Variants in TRIO observed in about 807,000 individuals in gnomAD.
The protein encoded by TRIO is trio Rho guanine nucleotide exchange factor.
In TRIO, 58 loss-of-function variants were observed where a neutral mutation model predicts 351.9. The ratio of observed to expected loss-of-function variants is 0.16; its 90% CI spans 0.13 to 0.21. The LOEUF is 0.21. Ranked by LOEUF, TRIO falls within the 10% of genes least tolerant of loss-of-function variation. The pLI, the probability that TRIO is intolerant of heterozygous loss-of-function variation, is 1.00. For synonymous variants in TRIO, 1,758 were observed against 1,595.7 expected (o/e 1.10, Z -2.42); for missense variants, 3,201 against 4,027.8 (o/e 0.79, Z 5.56).
At position 14,487,891 on chromosome 5, in the gene TRIO, C is replaced by A. The variant is rs747421070; in HGVS notation, c.7263C>A (p.Gly2421=). The A allele has an allele frequency of 6.5e-7, 1 of 1,538,746 alleles. No homozygotes were observed. ...KMKVLESPRK[G]AANASGSSPD... ...AGGTGCTGGAGAGCCCCAGGAAAGGCGCCGCGAACGCCTCGGGGTCGAGCC... is the reference window on the plus strand; with the variant it reads ...AGGTGCTGGAGAGCCCCAGGAAAGGAGCCGCGAACGCCTCGGGGTCGAGCC... The change falls in exon 48 of 57, where the codon GGC becomes GGA. Residue 2421 remains glycine (G), a synonymous_variant. Transcript: ENST00000344204.
chr5:14,462,160 G>C (rs748366781), intron 35 of TRIO, among the ~76,000 whole-genome samples: 4 of 152,186 alleles, frequency 2.6e-5, no homozygotes, highest in Non-Finnish European at 4.4e-5. Context: ...GCTGTTTTCT[G>C]CTGTTTTTTT....
chr5:14,478,612 G>C lies in TRIO; in HGVS notation c.6154-649G>C, dbSNP rs185008968. Among the ~76,000 whole-genome samples, 185 of 152,158 alleles carry C rather than the reference G, an allele frequency of 1.2e-3. 2 individuals carry two copies. The highest frequency in any genetic ancestry group is 4.2e-3 in the African/African-American group (173 of 41,516). ...AAAACCAACCAGGCTTACTAGGACT[G>C]TTGGCAGGGTTTGGAGTGATGGCAG... On this transcript the variant is annotated intron_variant, in intron 41 of 56. Coordinates refer to ENST00000344204, the MANE Select transcript of TRIO (RefSeq NM_007118.4).
At chr5:14,213,170 C>A (rs1792014923) in intron 1 of TRIO, among the ~76,000 whole-genome samples, 1 of 152,100 alleles carries the variant, frequency 6.6e-6, no homozygotes, top group Non-Finnish European at 1.5e-5. Context: ...AGAAGGATTT[C>A]TTTGGTTGGA....
chr5:14,315,144 A>G (rs554253584), intron 8 of TRIO, among the ~76,000 whole-genome samples: 3 of 152,140 alleles, frequency 2.0e-5, no homozygotes, highest in African/African-American at 7.2e-5. Flanking sequence ...AAAGGCTCTC[A>G]GTGTTAGCTT....
At position 14,509,289 on chromosome 5, in the gene TRIO, A is replaced by T. The variant is rs1757933237; in HGVS notation, c.*867A>T. 1 of 380,898 alleles carries T rather than the reference A, an allele frequency of 2.6e-6. No homozygotes were observed. Among genetic ancestry groups the T allele is most frequent in the South Asian group, 1.9e-5 (1 of 51,804 alleles). The allele number at this position is 380,898 out of a possible 1,614,324, so 23.6% of individuals were successfully genotyped here. A position where few individuals can be genotyped will look rare whatever the true frequency, so the allele number is the denominator to read the frequency against. ...TCATGTGCAATGTTGTGGCTTTAAC[A>T]TTTTATGCAACTATTTATGAAGACC... On this transcript the variant is annotated 3_prime_UTR_variant, in exon 57 of 57. Coordinates refer to ENST00000344204, the MANE Select transcript of TRIO (RefSeq NM_007118.4).
intron 27 of TRIO, among the ~76,000 whole-genome samples, chr5:14,393,827 A>AAAGT (rs2152367398): frequency 6.6e-6 from 1 of 152,384 alleles, no homozygotes; most frequent in African/African-American, 2.4e-5. Context: ...CTCCTGCTCC[A>AAAGT]AAGTACCCCT....
chr5:14,213,869 G>A (rs1392233574), intron 1 of TRIO, among the ~76,000 whole-genome samples: 1 of 152,194 alleles, frequency 6.6e-6, no homozygotes, highest in Non-Finnish European at 1.5e-5. Context: ...CATGGTACTG[G>A]CCCAGGGCAG....
chr5:14,295,257 A>T (rs1171286982), intron 6 of TRIO, among the ~76,000 whole-genome samples: 1 of 152,224 alleles, frequency 6.6e-6, no homozygotes, highest in Non-Finnish European at 1.5e-5. Flanking sequence ...GGATACCAAC[A>T]ATTATGCATG....
At position 14,488,052 on chromosome 5, in the gene TRIO, C is replaced by G. The variant is rs768715447; in HGVS notation, c.7424C>G (p.Pro2475Arg). 4.1e-5 allele frequency: 66 copies of G among 1,609,170 alleles called. No homozygotes were observed. The highest frequency in any genetic ancestry group is 5.1e-5 in the Non-Finnish European group (60 of 1,178,774). ...VPSLGKEPFP[P>R]SSPLQKGGSF... Reference sequence around the variant, plus strand: ...TCTCTCGGCAAGGAGCCCTTCCCCCCCAGCAGCCCCCTGCAGAAGGGGGGC... The same window carrying G: ...TCTCTCGGCAAGGAGCCCTTCCCCCGCAGCAGCCCCCTGCAGAAGGGGGGC... Residue 2475 changes from proline to arginine, a missense_variant, in exon 48 of 57, where the codon CCC becomes CGC. Physicochemically the swap from Pro to Arg is moderately radical, Grantham distance 103. This residue lies in a region of TRIO where 1,089 missense variants were observed against 954.9 expected (regional missense o/e 1.14). Transcript: ENST00000344204.
chr5:14,472,946 CTAAG>C (rs1184095014), intron 39 of TRIO, among the ~76,000 whole-genome samples: 11 of 149,030 alleles, frequency 7.4e-5, no homozygotes, highest in African/African-American at 2.9e-4. Context: ...TTAAATGATA[CTAAG>C]TAAGTATACT....
At chr5:14,397,834 T>G (rs1747740766) in intron 29 of TRIO, among the ~76,000 whole-genome samples, 1 of 152,104 alleles carries the variant, frequency 6.6e-6, no homozygotes, top group African/African-American at 2.4e-5. Flanking sequence ...GATTTTTCTT[T>G]CTCTGATATA....
intron 34 of TRIO, among the ~76,000 whole-genome samples, chr5:14,428,104 A>G (rs751310606): frequency 6.6e-6 from 1 of 152,208 alleles, no homozygotes; most frequent in Non-Finnish European, 1.5e-5. Flanking sequence ...GATCTGCCGC[A>G]AAGGTGAATC....
chr5:14,357,290 C>T (rs13157886), intron 11 of TRIO, among the ~76,000 whole-genome samples: 2,576 of 152,318 alleles, frequency 0.017, 32 homozygotes, highest in South Asian at 0.038. Flanking sequence ...ACAGAAGATG[C>T]GTGAGCTGAC....
intron 1 of TRIO, among the ~76,000 whole-genome samples, chr5:14,236,694 G>A (rs1040427357): frequency 6.6e-6 from 1 of 152,160 alleles, no homozygotes; most frequent in Non-Finnish European, 1.5e-5. Context: ...CCTGTTTTGT[G>A]TAGCAGCTTT....
At position 14,481,523 on chromosome 5, in the gene TRIO, C is replaced by T. The variant is rs1755514709; in HGVS notation, c.6388-18C>T. On this transcript the variant is annotated intron_variant, in intron 44 of 56. Coordinates refer to ENST00000344204, the MANE Select transcript of TRIO (RefSeq NM_007118.4). ...TAGAGGAACTTGAGCTTTCACTCTT[C>T]TCTCTCCCCTCCCACAGAGAGCTGT... 10 of 1,613,782 alleles carry T rather than the reference C, an allele frequency of 6.2e-6. No homozygotes were observed. Among genetic ancestry groups the T allele is most frequent in the Non-Finnish European group, 8.5e-6 (10 of 1,179,798 alleles).
intron 1 of TRIO, among the ~76,000 whole-genome samples, chr5:14,206,610 A>G (rs911717720): frequency 8.5e-5 from 13 of 152,176 alleles, no homozygotes; most frequent in African/African-American, 2.9e-4. Context: ...CTAACCTGAC[A>G]GTTGCTGCCT....
intron 1 of TRIO, among the ~76,000 whole-genome samples, chr5:14,255,782 C>T (rs1794991103): frequency 6.6e-6 from 1 of 152,136 alleles, no homozygotes; most frequent in African/African-American, 2.4e-5. Context: ...AGACCTGTCA[C>T]ATTAGGTCAG....
chr5:14,341,199 G>A (rs1194126892), intron 11 of TRIO, among the ~76,000 whole-genome samples: 1 of 152,160 alleles, frequency 6.6e-6, no homozygotes, highest in Non-Finnish European at 1.5e-5. Flanking sequence ...CAGTTCTGTT[G>A]ATAATGCTCC....
chr5:14,353,015 C>T (rs887124573), intron 11 of TRIO, among the ~76,000 whole-genome samples: 4 of 152,036 alleles, frequency 2.6e-5, no homozygotes, highest in Non-Finnish European at 2.9e-5. Context: ...GCACGTTTTC[C>T]TCATACTGTA....
Sources: gnomAD v4.1 joint callset for allele counts (sites outside exome capture counted in the v4.1 genomes callset) on GRCh38, gnomAD v4.1.1 for gene constraint, gnomAD v4.1.1 regional missense constraint, MANE v1.5 for transcripts, NCBI Gene and HGNC (gene_info 2026-07-23, HGNC 2026-07-21) for gene names.